Variants in ZNF460 observed in about 807,000 individuals in gnomAD.
ZNF460 encodes zinc finger protein 272.
ZNF460 carries 1 observed loss-of-function variant against 8.4 expected under a neutral mutation model. That is an observed-to-expected ratio of 0.12 (90% CI 0.04 to 0.56). ZNF460 has a LOEUF of 0.56. ZNF460 is among the 20% of genes least tolerant of loss of function. The pLI is 0.91. For synonymous variants in ZNF460, 262 were observed against 259.9 expected (o/e 1.01, Z -0.08); for missense variants, 477 against 714.8 (o/e 0.67, Z 3.79).
chr19:57,288,235 C>G (rs1315476894), intron 2 of ZNF460, among the ~76,000 whole-genome samples: 1 of 152,092 alleles, frequency 6.6e-6, no homozygotes, highest in Non-Finnish European at 1.5e-5. Context: ...CAGGGTCTTC[C>G]TCTGTCGCCC....
Position 57,280,850 on chromosome 19 carries a change from G to T in ZNF460, c.30+14G>T. 9 of 1,614,124 alleles carry T rather than the reference G, an allele frequency of 5.6e-6. No individual in the cohort carries two copies. Among genetic ancestry groups the T allele is most frequent in the Non-Finnish European group, 7.6e-6 (9 of 1,180,008 alleles). ...GCTCCGGCGCAGGTGAGTGGACGAGGTTTCGGCCTTGCTGCTGCTGTGCTA... is the reference window on the plus strand; with the variant it reads ...GCTCCGGCGCAGGTGAGTGGACGAGTTTTCGGCCTTGCTGCTGCTGTGCTA... On this transcript the variant is annotated intron_variant, in intron 1 of 2. Transcript: ENST00000360338.
intron 2 of ZNF460, among the ~76,000 whole-genome samples, chr19:57,285,604 C>T (rs1406365894): frequency 2.0e-5 from 3 of 152,224 alleles, no homozygotes; most frequent in South Asian, 4.1e-4. Flanking sequence ...AGATGCTGTT[C>T]GTTGCATTTT....
intron 1 of ZNF460, 21 bp downstream of exon 1, chr19:57,280,857 C>T (rs760099985): frequency 1.9e-6 from 3 of 1,613,992 alleles, no homozygotes; most frequent in Admixed American, 1.7e-5. Context: ...GAGGTTTCGG[C>T]CTTGCTGCTG....
In ZNF460 at chr19:57,291,151, G is replaced by A. The variant is rs774566532; in HGVS notation, c.610G>A (p.Ala204Thr). Residue 204 changes from alanine (A) to threonine (T), a missense_variant, in exon 3 of 3, where the codon GCC becomes ACC. By Grantham distance (58) the Ala-to-Thr change is moderately conservative (BLOSUM62 0). Coordinates refer to ENST00000360338, the MANE Select transcript of ZNF460 (RefSeq NM_006635.4). This position sits in a 1 kb window ranked among gnomAD's most constrained non-coding sequence, Gnocchi z 8.4. ...KPYDCPECGK[A>T]FGKSKHLLQH... ...CTATGATTGCCCAGAATGTGGGAAA[G>A]CCTTCGGCAAGAGCAAACACCTCCT... 8.1e-6 allele frequency: 13 copies of A among 1,614,098 alleles called. 1 individual carries two copies. The South Asian group carries it at 1.3e-4, about 16-fold the overall frequency.
rs758704607 is a variant in ZNF460 at position 57,280,795 on chromosome 19, G to T, written c.-12G>T. 6 of 1,614,030 alleles carry T rather than the reference G, an allele frequency of 3.7e-6. No individual in the cohort carries two copies. Among genetic ancestry groups the T allele is most frequent in the African/African-American group, 1.3e-5 (1 of 75,076 alleles). On this transcript the variant is annotated 5_prime_UTR_variant, in exon 1 of 3. Coordinates refer to ENST00000360338, the MANE Select transcript of ZNF460 (RefSeq NM_006635.4). ...GAAGGGCTGTGGTCGGCTGATCCGC[G>T]GCATTCCCGGGATGGCGGCGGCGTG...
chr19:57,286,299 G>T (rs1177629666), intron 2 of ZNF460, among the ~76,000 whole-genome samples: 3 of 152,024 alleles, frequency 2.0e-5, no homozygotes, highest in Admixed American at 6.5e-5. Context: ...TATCTACTGT[G>T]GTGGTCTGCG....
intron 1 of ZNF460, 148 bp downstream of exon 1, chr19:57,280,984 C>A (rs1338728720): frequency 1.7e-6 from 2 of 1,188,314 alleles, no homozygotes. Flanking sequence ...TTCCTTTATC[C>A]GCAGTCCTGC....
In ZNF460 at chr19:57,291,279, C is replaced by T. The variant is rs762060838; in HGVS notation, c.738C>T (p.His246=). The T allele has an allele frequency of 8.7e-6, 14 of 1,613,946 alleles. No individual in the cohort carries two copies. The South Asian group carries it at 1.4e-4, about 16-fold the overall frequency. ...ACCTCACACGGCACCAGCGGACTCA[C>T]AATGGAGATAAGCCCTTTGTGTGCA... ...RSHLTRHQRT[H]NGDKPFVCSE... Residue 246 remains histidine (H), a synonymous_variant, in exon 3 of 3, where the codon CAC becomes CAT. Transcript: ENST00000360338. The surrounding 1 kb of genome is among the most constrained non-coding windows in gnomAD (Gnocchi z 8.4).
chr19:57,284,444 A>T (rs968042200), intron 1 of ZNF460, 107 bp from the exon 2 acceptor site: 3 of 1,419,610 alleles, frequency 2.1e-6, no homozygotes, highest in African/African-American at 1.4e-5. Context: ...GTGCTTGGTG[A>T]TTTGGCCTTT....
At position 57,291,681 on chromosome 19, in the gene ZNF460, C is replaced by G; in HGVS notation, c.1140C>G (p.Val380=). 6.2e-7 allele frequency: 1 copy of G among 1,613,874 alleles called. No homozygotes were observed. The highest frequency in any genetic ancestry group is 1.1e-5 in the South Asian group (1 of 91,072). The part of the protein sequence containing the change: ...GKAFTHYSTY[V]LHERAHTGEK... ...CCTTCACTCACTATTCCACCTATGTCCTGCATGAAAGAGCCCACACTGGAG... is the reference window on the plus strand; with the variant it reads ...CCTTCACTCACTATTCCACCTATGTGCTGCATGAAAGAGCCCACACTGGAG... Residue 380 remains valine, a synonymous_variant, in exon 3 of 3, where the codon GTC becomes GTG. Transcript: ENST00000360338. The surrounding 1 kb of genome is among the most constrained non-coding windows in gnomAD (Gnocchi z 8.4).
At chr19:57,283,315 A>G (rs889216708) in intron 1 of ZNF460, among the ~76,000 whole-genome samples, 7 of 150,426 alleles carry the variant, frequency 4.7e-5, no homozygotes, top group Non-Finnish European at 7.4e-5. Context: ...GACTACAGGC[A>G]CACACTACCA....
intron 1 of ZNF460, among the ~76,000 whole-genome samples, chr19:57,283,046 G>A (rs373990470): frequency 3.3e-5 from 5 of 151,808 alleles, no homozygotes; most frequent in South Asian, 2.1e-4. Flanking sequence ...CTGGTAGAGC[G>A]GAGGGTAGGA....
intron 2 of ZNF460, 147 bp downstream of exon 2, chr19:57,284,824 T>TC (rs959597187): frequency 1.2e-3 from 1,147 of 943,652 alleles, no homozygotes; most frequent in Admixed American, 1.8e-3. Context: ...TTTTTTTTTT[T>TC]TTTTTTTTGG....
chr19:57,290,188 T>A (rs2087906586), intron 2 of ZNF460, among the ~76,000 whole-genome samples: 1 of 152,126 alleles, frequency 6.6e-6, no homozygotes, highest in Non-Finnish European at 1.5e-5. Context: ...ATGCCTGTAG[T>A]CCAGCTACCT....
intron 1 of ZNF460, 22 bp from the exon 2 acceptor site, chr19:57,284,529 C>G: frequency 6.2e-7 from 1 of 1,607,642 alleles, no homozygotes; most frequent in Non-Finnish European, 8.5e-7. Flanking sequence ...GGAAACATTA[C>G]TGGTTCTTTT....
At chr19:57,280,086 C>G (rs2087824972), upstream of ZNF460, 1 of 152,296 alleles carries the variant, frequency 6.6e-6, no homozygotes, top group Admixed American at 6.5e-5. Context: ...AGAAAAGAGG[C>G]AAAGCAAGCG....
At chr19:57,284,813 A>ATTTT (rs755694218) in intron 2 of ZNF460, 136 bp downstream of exon 2, 98 of 633,694 alleles carry the variant, frequency 1.5e-4, no homozygotes, top group Middle Eastern at 5.3e-4. Flanking sequence ...GCTTTACTCT[A>ATTTT]TTTTTTTTTT....
At chr19:57,289,532 A>G (rs1387112181) in intron 2 of ZNF460, among the ~76,000 whole-genome samples, 2 of 152,160 alleles carry the variant, frequency 1.3e-5, no homozygotes, top group African/African-American at 4.8e-5. Flanking sequence ...CTTCTAGGCT[A>G]CATTAAGTGC....
intron 2 of ZNF460, among the ~76,000 whole-genome samples, chr19:57,287,468 G>T (rs1420273583): frequency 6.6e-6 from 1 of 152,132 alleles, no homozygotes; most frequent in Non-Finnish European, 1.5e-5. Flanking sequence ...GGAGTAGGTT[G>T]TATATTCAGC....
Sources: gnomAD v4.1 joint callset for allele counts (sites outside exome capture counted in the v4.1 genomes callset) on GRCh38, gnomAD v4.1.1 for gene constraint, Gnocchi (gnomAD v3.1) non-coding constraint, MANE v1.5 for transcripts, NCBI Gene and HGNC (gene_info 2026-07-23, HGNC 2026-07-21) for gene names.